The following RALY variants were observed in gnomAD, a reference collection of about 807,000 sequenced individuals.
RALY encodes the protein RNA-binding protein Raly.
Under a neutral mutation model 30.7 loss-of-function variants are expected in RALY, and 15 were observed. The observed-to-expected ratio is 0.49, with a 90% CI of 0.33 to 0.75. The LOEUF (loss-of-function observed/expected upper bound fraction) is 0.75. Ranked by LOEUF, RALY falls within the 30% of genes least tolerant of loss-of-function variation. The pLI is 0.02. For synonymous variants in RALY, 177 were observed against 170.8 expected (o/e 1.04, Z -0.28); for missense variants, 339 against 414.3 (o/e 0.82, Z 1.58).
chr20:34,050,748 A>G (rs1373194725), intron 2 of RALY, among the ~76,000 whole-genome samples: 5 of 152,182 alleles, frequency 3.3e-5, no homozygotes, highest in Non-Finnish European at 5.9e-5. Context: ...CTGCTGTCCA[A>G]ATGACCCTTT....
chr20:34,076,795 C>T lies in RALY; in HGVS notation c.638C>T (p.Ala213Val), dbSNP rs148075348. Residue 213 changes from alanine (A) to valine (V), a missense_variant, in exon 7 of 10, where the codon GCG becomes GTG. Transcript: ENST00000246194. ...ALLSRLEQIA[A>V]EQKANPDGKK... is the part of the protein sequence containing the mutation. ...CTGAGCCGCTTGGAGCAGATCGCTG[C>T]GGAGCAAAAGGCCAATCCAGGTCAG... 1.4e-5 allele frequency: 23 copies of T among 1,613,920 alleles called. No homozygotes were observed. The highest frequency in any genetic ancestry group is 1.1e-4 in the East Asian group (5 of 44,884).
chr20:34,003,135 T>G (rs1031881861), intron 1 of RALY, among the ~76,000 whole-genome samples: 2 of 152,176 alleles, frequency 1.3e-5, no homozygotes, highest in Non-Finnish European at 2.9e-5. Context: ...GAAATATTAC[T>G]TGGGATGCTG....
intron 2 of RALY, among the ~76,000 whole-genome samples, chr20:34,048,503 C>T (rs1438473501): frequency 6.6e-6 from 1 of 152,122 alleles, no homozygotes; most frequent in African/African-American, 2.4e-5. Context: ...GATCACGAAA[C>T]GCATTAGTAG....
chr20:34,079,213 A>C (rs994571791), intron 9 of RALY, among the ~76,000 whole-genome samples: 1 of 152,174 alleles, frequency 6.6e-6, no homozygotes, highest in Admixed American at 6.5e-5. Context: ...GTTCATCTTC[A>C]ATCCCACAAG....
chr20:34,002,349 C>T (rs2030957205), intron 1 of RALY, among the ~76,000 whole-genome samples: 1 of 152,204 alleles, frequency 6.6e-6, no homozygotes, highest in Non-Finnish European at 1.5e-5. Context: ...CAACAGCCTT[C>T]CATCCCTAAT....
intron 2 of RALY, among the ~76,000 whole-genome samples, chr20:34,052,318 C>A (rs966595709): frequency 4.6e-5 from 7 of 152,058 alleles, no homozygotes; most frequent in Non-Finnish European, 7.4e-5. Flanking sequence ...CTTGAGGAAC[C>A]CTGGTTTTCC....
chr20:34,022,521 C>G (rs1182412689), intron 1 of RALY, among the ~76,000 whole-genome samples: 1 of 152,116 alleles, frequency 6.6e-6, no homozygotes, highest in Non-Finnish European at 1.5e-5. Flanking sequence ...GCACATAAGG[C>G]CCCTACGAAA....
At chr20:34,000,410 C>T (rs2030859758) in intron 1 of RALY, among the ~76,000 whole-genome samples, 1 of 152,152 alleles carries the variant, frequency 6.6e-6, no homozygotes, top group African/African-American at 2.4e-5. Context: ...AGGTCCCTGT[C>T]TCTCTCACTT....
chr20:34,049,056 G>A (rs1395642532), intron 2 of RALY: 1 of 152,360 alleles, frequency 6.6e-6, no homozygotes, highest in African/African-American at 2.4e-5. Flanking sequence ...AGATGGATAG[G>A]AATTAGCTCA....
At chr20:34,006,820 G>C (rs1015467235) in intron 1 of RALY, among the ~76,000 whole-genome samples, 1 of 152,166 alleles carries the variant, frequency 6.6e-6, no homozygotes, top group Non-Finnish European at 1.5e-5. Flanking sequence ...AGTGCACACT[G>C]GTGTTTGCAC....
Position 34,060,545 on chromosome 20 carries a change from A to G in RALY, c.-9-11521A>G, listed in dbSNP as rs2268085. Among the ~76,000 whole-genome samples the G allele has an allele frequency of 5.3e-5, 8 of 152,280 alleles. No individual in the cohort carries two copies. In the East Asian group the frequency reaches 1.3e-3, roughly 26 times the overall value. On this transcript the variant is annotated intron_variant, in intron 2 of 9. Coordinates refer to ENST00000246194, the MANE Select transcript of RALY (RefSeq NM_016732.3). ...ACATGAATTATTTTATCCTCTAACA[A>G]CCCTAGAGATATGTATTGCTATTTC...
intron 2 of RALY, among the ~76,000 whole-genome samples, chr20:34,053,523 A>G (rs980764074): frequency 6.8e-6 from 1 of 146,706 alleles, no homozygotes. Flanking sequence ...TCAGCCTCCC[A>G]AGTAACTGGG....
At chr20:34,005,833 A>C (rs1240205621) in intron 1 of RALY, among the ~76,000 whole-genome samples, 1 of 152,192 alleles carries the variant, frequency 6.6e-6, no homozygotes, top group Non-Finnish European at 1.5e-5. Context: ...AACGTCATAC[A>C]GTTGGAATCA....
chr20:34,056,983 TATA>T (rs1203830906), intron 2 of RALY, among the ~76,000 whole-genome samples: 1 of 152,254 alleles, frequency 6.6e-6, no homozygotes, highest in Non-Finnish European at 1.5e-5. Context: ...TGCTATTGTT[TATA>T]ATAGTGAGAA....
intron 2 of RALY, chr20:34,033,086 G>A (rs2032346040): frequency 6.6e-6 from 1 of 152,224 alleles, no homozygotes; most frequent in Admixed American, 6.5e-5. Flanking sequence ...GGCCAGTACA[G>A]GGTAAGGACC....
rs373146983 is a variant in RALY at position 34,065,626 on chromosome 20, C to T, written c.-9-6440C>T. Among the ~76,000 whole-genome samples, 127 of 152,308 alleles carry T rather than the reference C, an allele frequency of 8.3e-4. 1 individual carries two copies. Among genetic ancestry groups the T allele is most frequent in the Non-Finnish European group, 6.3e-4 (43 of 68,028 alleles). On this transcript the variant is annotated intron_variant, in intron 2 of 9. Transcript: ENST00000246194. ...TAATAGATGTTCTGTCATCCCTGGC[C>T]GCCTGGTAAAAGCAGGAGCCTCTGG...
chr20:34,065,055 G>A (rs2033530074), intron 2 of RALY: 2 of 152,188 alleles, frequency 1.3e-5, no homozygotes, highest in Admixed American at 1.3e-4. Context: ...TTCCCAGAGA[G>A]GGGGCTTCTT....
intron 2 of RALY, among the ~76,000 whole-genome samples, chr20:34,048,853 CAAA>C (rs58117454): frequency 3.8e-5 from 4 of 105,602 alleles, no homozygotes; most frequent in Non-Finnish European, 7.4e-5. Flanking sequence ...GACTCCGTCT[CAAA>C]AAAAAAAAAA....
chr20:34,019,657 A>G (rs11906025), intron 1 of RALY, among the ~76,000 whole-genome samples: 16,122 of 152,244 alleles, frequency 0.11, 2,846 homozygotes, highest in African/African-American at 0.36. Flanking sequence ...AGTAAGACAC[A>G]GTCCCTGCTC....
Sources: gnomAD v4.1 joint callset for allele counts (sites outside exome capture counted in the v4.1 genomes callset) on GRCh38, gnomAD v4.1.1 for gene constraint, MANE v1.5 for transcripts, NCBI Gene and HGNC (gene_info 2026-07-23, HGNC 2026-07-21) for gene names.